INTS1: variants seen among roughly 807,000 people sequenced by gnomAD.
INTS1 encodes the protein integrator complex subunit 1.
INTS1 carries 137 observed loss-of-function variants against 241.6 expected under a neutral mutation model. The ratio of observed to expected loss-of-function variants is 0.57; its 90% CI spans 0.49 to 0.65. The LOEUF is 0.65. Among genes scored for constraint, INTS1 ranks in the 30% least tolerant of loss-of-function variants. The probability of loss-of-function intolerance (pLI) is 0.00; values close to 1 mark genes in which losing one functional copy is unlikely to be tolerated. For synonymous variants in INTS1, 1,692 were observed against 1,337.8 expected, an observed-to-expected ratio of 1.26 and a Z score of -5.78; for missense variants, 3,073 against 3,032.2, an observed-to-expected ratio of 1.01 and a Z score of -0.32.
At position 1,481,256 on chromosome 7, in the gene INTS1, C is replaced by T; in HGVS notation, c.3850+86G>A. 1.3e-6 allele frequency: 2 copies of T among 1,502,408 alleles called. No individual in the cohort carries two copies. The highest frequency in any genetic ancestry group is 1.8e-6 in the Non-Finnish European group (2 of 1,093,298). The allele number at this position is 1,502,408 out of a possible 1,614,324, so 93.1% of individuals were successfully genotyped here. On this transcript the variant is annotated intron_variant, in intron 28 of 47. Transcript: ENST00000404767. The surrounding 1 kb of genome is among the most constrained non-coding windows in gnomAD (Gnocchi z 6.8). The stretch of plus-strand genomic sequence containing the variant: ...CCCACCCGACCTCGGATCACCCACC[C>T]GCTCGCACCCAGGCCCCAAAAGCCT...
At position 1,498,783 on chromosome 7, in the gene INTS1, T is replaced by C. The variant is rs774646989; in HGVS notation, c.1207A>G (p.Met403Val). The part of the protein sequence containing the change: ...MNCNTHGSED[M>V]DVISHLIKIR... Reference sequence around the variant, plus strand: ...TTGATCAGGTGTGAGATGACGTCCATGTCTTCGGAACCGTGCGTGTTGCAG... The same window carrying C: ...TTGATCAGGTGTGAGATGACGTCCACGTCTTCGGAACCGTGCGTGTTGCAG... Residue 403 changes from methionine to valine, a missense_variant, in exon 9 of 48, where the codon ATG (methionine) becomes GTG (valine). Met to Val is a conservative substitution (Grantham distance 21). Transcript: ENST00000404767. 21 of 1,595,922 alleles carry C rather than the reference T, an allele frequency of 1.3e-5. No homozygotes were observed. The East Asian group carries it at 1.4e-4, about 10-fold the overall frequency.
intron 16 of INTS1, among the ~76,000 whole-genome samples, chr7:1,491,459 A>G (rs1040783390): frequency 2.1e-4 from 32 of 152,366 alleles, no homozygotes; most frequent in Admixed American, 1.8e-3. Context: ...CAAACACCTG[A>G]AAGTAAGAGC....
chr7:1,495,534 T>C lies in INTS1; in HGVS notation c.1731A>G (p.Ser577=). 6.2e-7 allele frequency: 1 copy of C among 1,611,542 alleles called. No individual in the cohort carries two copies. Among genetic ancestry groups the C allele is most frequent in the Non-Finnish European group, 8.5e-7 (1 of 1,179,442 alleles). ...GGATGGCGGCAATCTGGTTCTGGAA[T>C]GAGCGGAGCACTTCCAGGTCTGAAA... ...GEKRNLEVLR[S]FQNQIAAIQR... is the part of the protein sequence containing the mutation. The change falls in exon 13 of 48, where the codon TCA becomes TCG. Residue 577 remains serine, a synonymous_variant. Coordinates refer to ENST00000404767, the MANE Select transcript of INTS1 (RefSeq NM_001080453.3).
In INTS1 at chr7:1,499,962, G is replaced by T; in HGVS notation, c.606C>A (p.Ser202Arg). The T allele has an allele frequency of 6.2e-7, 1 of 1,613,700 alleles. No individual in the cohort carries two copies. Among genetic ancestry groups the T allele is most frequent in the Non-Finnish European group, 8.5e-7 (1 of 1,179,868 alleles). ...ASINFKAKGN[S>R]LVSVLACNLL... ...GGTTACAGGCCAGCACAGACACCAG[G>T]CTGTTCCCCTTGGCCTTGAAGTTGA... Residue 202 changes from serine (S) to arginine (R), a missense_variant, in exon 5 of 48, where the codon AGC (serine) becomes AGA (arginine). Transcript: ENST00000404767.
In INTS1 at chr7:1,489,825, A is replaced by G. The variant is rs73275980; in HGVS notation, c.2166-143T>C. The G allele has an allele frequency of 6.8e-3, 4,103 of 600,580 alleles. 88 individuals carry two copies. Among genetic ancestry groups the G allele is most frequent in the African/African-American group, 0.051 (2,768 of 54,060 alleles). 37.2% of individuals were successfully genotyped at this position (600,580 alleles called of 1,614,324 possible). ...ACTGCCCTCCAGTGACACCTGTCCA[A>G]GCATGTGCATCAGCCTGGCTCTGGG... On this transcript the variant is annotated intron_variant, in intron 16 of 47. Transcript: ENST00000404767.
At chr7:1,488,491 A>G (rs571417240) in intron 18 of INTS1, among the ~76,000 whole-genome samples, 27 of 151,954 alleles carry the variant, frequency 1.8e-4, no homozygotes, top group African/African-American at 6.0e-4. Flanking sequence ...TGTGCCTCCC[A>G]CCTCAGGACA....
At position 1,500,006 on chromosome 7, in the gene INTS1, G is replaced by A; in HGVS notation, c.562C>T (p.Leu188=). ...AAGTTGATGGAGGCGTCCCGCCGCA[G>A]GAGGCTACACAGAGCCTGCCAGGGA... ...EGVIEALCSL[L]RRDASINFKA... is the part of the protein sequence containing the mutation. The change falls in exon 5 of 48, where the codon CTG becomes TTG. Residue 188 remains leucine (L), a synonymous_variant. Transcript: ENST00000404767. The A allele has an allele frequency of 6.2e-7, 1 of 1,613,492 alleles. No individual in the cohort carries two copies. Among genetic ancestry groups the A allele is most frequent in the Non-Finnish European group, 8.5e-7 (1 of 1,179,852 alleles).
chr7:1,494,860 C>T lies in INTS1; in HGVS notation c.1866G>A (p.Glu622=), dbSNP rs1307777703. The change falls in exon 14 of 48, where the codon GAG becomes GAA. Residue 622 remains glutamate, a synonymous_variant. Transcript: ENST00000404767. Reference sequence around the variant, plus strand: ...GCCAGTTGTCCCACTTGTAGTAGGTCTCCGGCTGCTCTGTGAACAGCACCT... The same window carrying T: ...GCCAGTTGTCCCACTTGTAGTAGGTTTCCGGCTGCTCTGTGAACAGCACCT... ...LHKVLFTEQP[E]TYYKWDNWPP... is the part of the protein sequence containing the mutation. The T allele has an allele frequency of 1.3e-6, 2 of 1,568,044 alleles. No homozygotes were observed. The highest frequency in any genetic ancestry group is 1.7e-6 in the Non-Finnish European group (2 of 1,157,054).
intron 16 of INTS1, among the ~76,000 whole-genome samples, chr7:1,491,692 G>A (rs1037486950): frequency 6.6e-6 from 1 of 152,230 alleles, no homozygotes; most frequent in Non-Finnish European, 1.5e-5. Flanking sequence ...CTTGAGCCCA[G>A]AGGTTTGAAA....
At chr7:1,472,805 T>G in intron 43 of INTS1, among the ~76,000 whole-genome samples, 2 of 31,656 alleles carry the variant, frequency 6.3e-5, no homozygotes, top group African/African-American at 1.2e-4. Flanking sequence ...TGGTGGATGG[T>G]GGATGTGCCA....
rs1298542643 is a variant in INTS1 at position 1,472,434 on chromosome 7, G to A, written c.6071-48C>T. On this transcript the variant is annotated intron_variant, in intron 43 of 47. Transcript: ENST00000404767. ...CAGGAGGGCGGGAGCGGCAGGACGTGCCACACTGAGGCACCAGGACCTGCC... is the reference window on the plus strand; with the variant it reads ...CAGGAGGGCGGGAGCGGCAGGACGTACCACACTGAGGCACCAGGACCTGCC... 1.1e-5 allele frequency: 15 copies of A among 1,343,530 alleles called. No individual in the cohort carries two copies. In the Admixed American group the frequency reaches 3.4e-4, roughly 30 times the overall value. 83.2% of individuals were successfully genotyped at this position (1,343,530 alleles called of 1,614,324 possible).
chr7:1,499,667 G>A (rs760160075), intron 5 of INTS1, 35 bp from the exon 6 acceptor site: 4 of 1,566,224 alleles, frequency 2.6e-6, no homozygotes, highest in East Asian at 2.3e-5. Flanking sequence ...CCCGAGCCCA[G>A]CCGGGCAGCA....
rs949552939 is a variant in INTS1 at position 1,479,676 on chromosome 7, C to T, written c.4083G>A (p.Pro1361=). The T allele has an allele frequency of 3.5e-5, 51 of 1,465,524 alleles. No homozygotes were observed. Among genetic ancestry groups the T allele is most frequent in the South Asian group, 4.2e-5 (3 of 71,654 alleles). 90.8% of individuals were successfully genotyped at this position (1,465,524 alleles called of 1,614,324 possible). ...TCTGCCACCGAGGGTCCGGGCTGAGCGGGAAAATCTGGAACGGGGAAGGCC... is the reference window on the plus strand; with the variant it reads ...TCTGCCACCGAGGGTCCGGGCTGAGTGGGAAAATCTGGAACGGGGAAGGCC... The part of the protein sequence containing the change: ...DLAGMFLQIF[P]LSPDPRWQSS... The change falls in exon 31 of 48, where the codon CCG becomes CCA. Residue 1361 remains proline, a synonymous_variant. Transcript: ENST00000404767.
At position 1,478,765 on chromosome 7, in the gene INTS1, G is replaced by A. The variant is rs1190259196; in HGVS notation, c.4450C>T (p.Leu1484Phe). 1.3e-6 allele frequency: 2 copies of A among 1,597,800 alleles called. No individual in the cohort carries two copies. The highest frequency in any genetic ancestry group is 1.1e-5 in the South Asian group (1 of 89,176). ...CGCCCGGCTGAGGCCTGGCTGGCAAGCATCCTGAGCTGTGCCCGCAGGGGC... is the reference window on the plus strand; with the variant it reads ...CGCCCGGCTGAGGCCTGGCTGGCAAACATCCTGAGCTGTGCCCGCAGGGGC... Reference protein sequence around the residue: ...GGPLRAQLRMLASQASAGRRL... With the variant: ...GGPLRAQLRMFASQASAGRRL... Residue 1484 changes from leucine to phenylalanine, a missense_variant, in exon 32 of 48, where the codon CTT becomes TTT. Transcript: ENST00000404767.
chr7:1,480,580 C>T, intron 29 of INTS1, 139 bp from the exon 30 acceptor site: 1 of 974,010 alleles, frequency 1.0e-6, no homozygotes, highest in Admixed American at 2.8e-5. Context: ...CTGTGTTCCC[C>T]AAGGACCCCA....
In INTS1 at chr7:1,479,568, C is replaced by T. The variant is rs1781893912; in HGVS notation, c.4191G>A (p.Glu1397=). ...ELARVVQGSP[E]VPGITVRVLQ... is the part of the protein sequence containing the mutation. ...GGACACGCACCGTGATGCCCGGCAC[C>T]TCGGGGCTGCCCTGGACGACGCGGG... The change falls in exon 31 of 48, where the codon GAG becomes GAA. Residue 1397 remains glutamate (E), a synonymous_variant. Coordinates refer to ENST00000404767, the MANE Select transcript of INTS1 (RefSeq NM_001080453.3). 1.3e-6 allele frequency: 2 copies of T among 1,548,828 alleles called. No homozygotes were observed. The highest frequency in any genetic ancestry group is 2.7e-5 in the African/African-American group (2 of 73,268).
rs956252857 is a variant in INTS1, at chr7:1,480,837, C to T, written c.3947G>A (p.Arg1316Gln). ...CTGGCCCCACCCCTCCCCAGTACCT[C>T]GGCGGGGCGGCAGGGAGGCTGTGAG... ...SLLTASLPPR[R>Q]DSTEAPKPKS... Residue 1316 changes from arginine to glutamine, a missense_variant and splice_region_variant, in exon 29 of 48, where the codon CGA becomes CAA. Physicochemically the swap from Arg to Gln is conservative, Grantham distance 43 (BLOSUM62 1). Coordinates refer to ENST00000404767, the MANE Select transcript of INTS1 (RefSeq NM_001080453.3). 4.5e-6 allele frequency: 7 copies of T among 1,550,462 alleles called. No homozygotes were observed. The highest frequency in any genetic ancestry group is 1.9e-5 in the Admixed American group (1 of 51,318).
At position 1,492,739 on chromosome 7, in the gene INTS1, G is replaced by T. The variant is rs184526472; in HGVS notation, c.2165+271C>A. Among the ~76,000 whole-genome samples the T allele has an allele frequency of 1.2e-3, 177 of 152,374 alleles. 1 individual carries two copies. The highest frequency in any genetic ancestry group is 2.2e-3 in the Non-Finnish European group (149 of 68,034). On this transcript the variant is annotated intron_variant, in intron 16 of 47. Transcript: ENST00000404767. The stretch of plus-strand genomic sequence containing the variant: ...CCCACTCAAACCCAGGTAACGGTTG[G>T]ACTCGGGCCGAGCCAGTCAAGGCCC...
rs1781507463 is a variant in INTS1, at chr7:1,472,276, C to G, written c.6181G>C (p.Glu2061Gln). The change falls in exon 44 of 48, where the codon GAG becomes CAG. Residue 2061 changes from glutamate to glutamine, a missense_variant. By Grantham distance (29) the Glu-to-Gln change is conservative. Coordinates refer to ENST00000404767, the MANE Select transcript of INTS1 (RefSeq NM_001080453.3). ...MKRLSRGQTV[E>Q]DLLEVLSDID... is the part of the protein sequence containing the mutation. ...GGTGAAGCAGGGCCTGACTCACCCT[C>G]CACCGTTTGGCCCCGGGAAAGCCGT... The G allele has an allele frequency of 6.4e-7, 1 of 1,552,036 alleles. No homozygotes were observed. The highest frequency in any genetic ancestry group is 8.7e-7 in the Non-Finnish European group (1 of 1,147,686).
Sources: allele counts gnomAD v4.1 joint callset (sites outside exome capture counted in the v4.1 genomes callset), GRCh38; gene constraint gnomAD v4.1.1; non-coding constraint Gnocchi (gnomAD v3.1); transcripts MANE v1.5; gene names NCBI Gene and HGNC (gene_info 2026-07-23, HGNC 2026-07-21).